Variants in EIF3A observed in about 807,000 individuals in gnomAD.
The protein encoded by EIF3A is eukaryotic translation initiation factor 3 subunit A.
EIF3A carries 21 observed loss-of-function variants against 186.6 expected under a neutral mutation model. That is an observed-to-expected ratio of 0.11 (90% confidence interval 0.08 to 0.16). The LOEUF (loss-of-function observed/expected upper bound fraction) is 0.16, where lower values mean the gene tolerates loss of function less well. Ranked by LOEUF, EIF3A falls within the 10% of genes least tolerant of loss-of-function variation. The pLI, the probability that EIF3A is intolerant of heterozygous loss-of-function variation, is 1.00. For synonymous variants in EIF3A, 563 were observed against 584.3 expected (o/e 0.96, Z 0.52); for missense variants, 1,306 against 1,796.3 (o/e 0.73, Z 4.93).
intron 19 of EIF3A, among the ~76,000 whole-genome samples, chr10:119,040,092 G>A (rs890584341): frequency 2.2e-4 from 34 of 152,220 alleles, no homozygotes; most frequent in African/African-American, 7.2e-4. Flanking sequence ...GAGACTAGAA[G>A]AGACGAAGTA....
chr10:119,056,887 A>T (rs1438396926), intron 13 of EIF3A, 34 bp from the exon 14 acceptor site: 1 of 1,595,220 alleles, frequency 6.3e-7, no homozygotes. Context: ...AGTTTTAAAA[A>T]ATCTCTCTTA....
intron 9 of EIF3A, 62 bp from the exon 10 acceptor site, chr10:119,059,780 A>C: frequency 9.4e-7 from 1 of 1,059,746 alleles, no homozygotes; most frequent in Non-Finnish European, 1.5e-6. Flanking sequence ...TTTTATGTGC[A>C]ATCTCATGAC....
At chr10:119,066,180 C>T (rs900873232) in intron 6 of EIF3A, among the ~76,000 whole-genome samples, 7 of 151,152 alleles carry the variant, frequency 4.6e-5, no homozygotes, top group Admixed American at 6.6e-5. Flanking sequence ...ATTCATATAC[C>T]CCAGACTTCC....
chr10:119,055,855 C>G (rs1843770554), intron 14 of EIF3A, among the ~76,000 whole-genome samples: 1 of 152,172 alleles, frequency 6.6e-6, no homozygotes, highest in Admixed American at 6.5e-5. Flanking sequence ...ATGGCTATTT[C>G]TTTTCTACCC....
intron 14 of EIF3A, among the ~76,000 whole-genome samples, chr10:119,053,557 C>CA (rs33979018): frequency 4.5e-4 from 50 of 110,522 alleles, no homozygotes; most frequent in African/African-American, 1.4e-3. Flanking sequence ...ACTAAAAATA[C>CA]AAAAAAAAAA....
intron 17 of EIF3A, among the ~76,000 whole-genome samples, chr10:119,047,225 A>G (rs1342158714): frequency 6.6e-6 from 1 of 151,916 alleles, no homozygotes; most frequent in Non-Finnish European, 1.5e-5. Context: ...CTGAGATTGC[A>G]CCACTGCACT....
At chr10:119,072,024 C>CAAAAAAAAAAAAAAAAAAAAAA (rs56100757) in intron 4 of EIF3A, among the ~76,000 whole-genome samples, 11 of 59,442 alleles carry the variant, frequency 1.9e-4, no homozygotes, top group Admixed American at 5.7e-4. Context: ...GACTCTGTCT[C>CAAAAAAAAAAAAAAAAAAAAAA]AAAAAAAAAA....
Position 119,080,810 on chromosome 10 carries a change from C to A in EIF3A, c.-134G>T. On this transcript the variant is annotated 5_prime_UTR_variant, in exon 1 of 22. Coordinates refer to ENST00000369144, the MANE Select transcript of EIF3A (RefSeq NM_003750.4). ...TCGCCCGCGCCCAGCCGGCCAGAGACGGAAAGGAAGGAGCCACGTGACCTC... is the reference window on the plus strand; with the variant it reads ...TCGCCCGCGCCCAGCCGGCCAGAGAAGGAAAGGAAGGAGCCACGTGACCTC... The A allele has an allele frequency of 7.0e-7, 1 of 1,420,508 alleles. No individual in the cohort carries two copies. Among genetic ancestry groups the A allele is most frequent in the South Asian group, 1.5e-5 (1 of 67,686 alleles). The allele number at this position is 1,420,508 out of a possible 1,614,324, so 88.0% of individuals were successfully genotyped here.
chr10:119,069,668 T>C lies in EIF3A; in HGVS notation c.742-14A>G, dbSNP rs1428439070. The C allele has an allele frequency of 2.2e-6, 3 of 1,386,432 alleles. No individual in the cohort carries two copies. The highest frequency in any genetic ancestry group is 3.1e-6 in the Non-Finnish European group (3 of 973,958). 85.9% of individuals were successfully genotyped at this position (1,386,432 alleles called of 1,614,324 possible). A position where few individuals can be genotyped will look rare whatever the true frequency, so the allele number is the denominator to read the frequency against. ...TTTGAATGCTTCCTAAAATTAGGAG[T>C]ATAAATTAAAGTCATTGCATTCTAT... On this transcript the variant is annotated splice_polypyrimidine_tract_variant and intron_variant, in intron 5 of 21. Transcript: ENST00000369144.
rs745433680 is a variant in EIF3A at position 119,072,873 on chromosome 10, TG to T, written c.541+16del. 89 of 1,596,072 alleles carry T rather than the reference TG, an allele frequency of 5.6e-5. No individual in the cohort carries two copies. Among genetic ancestry groups the T allele is most frequent in the Non-Finnish European group, 7.5e-5 (88 of 1,174,554 alleles). ...AATTTCAAAGCACTTCACTCAGATTTGATCTTCTCATCTTACCTTGCTGGGC... is the reference window on the plus strand; with the variant it reads ...AATTTCAAAGCACTTCACTCAGATTTATCTTCTCATCTTACCTTGCTGGGC... On this transcript the variant is annotated intron_variant, in intron 4 of 21. Transcript: ENST00000369144.
chr10:119,062,958 G>A lies in EIF3A; in HGVS notation c.1123-1630C>T, dbSNP rs570662792. ...TTTAGTAGAGACGGGGTTTCACCAC[G>A]ATGGCCAAGCTCGTTTCAAACTCCT... is the stretch of plus-strand genomic sequence containing the variant. On this transcript the variant is annotated intron_variant, in intron 7 of 21. Transcript: ENST00000369144. 1.4e-4 allele frequency among the ~76,000 whole-genome samples: 21 copies of A among 150,452 alleles called. No homozygotes were observed. The South Asian group carries it at 2.1e-3, about 15-fold the overall frequency.
At chr10:119,075,686 ATT>A (rs1295429635) in intron 1 of EIF3A, among the ~76,000 whole-genome samples, 2 of 92,756 alleles carry the variant, frequency 2.2e-5, no homozygotes, top group African/African-American at 7.9e-5. Context: ...TAAAAATATC[ATT>A]GTTTATTTTC....
At chr10:119,079,704 C>T (rs926321554) in intron 1 of EIF3A, among the ~76,000 whole-genome samples, 1 of 152,086 alleles carries the variant, frequency 6.6e-6, no homozygotes, top group Non-Finnish European at 1.5e-5. Flanking sequence ...AAGTTTTTCC[C>T]TCAAGCGCCA....
chr10:119,070,280 G>C (rs1215900022), intron 5 of EIF3A, among the ~76,000 whole-genome samples: 3 of 152,322 alleles, frequency 2.0e-5, no homozygotes, highest in Middle Eastern at 3.4e-3. Flanking sequence ...GGGCCAGGGA[G>C]AGGACTAGCT....
intron 1 of EIF3A, among the ~76,000 whole-genome samples, chr10:119,076,829 G>A (rs920038868): frequency 1.3e-4 from 20 of 151,496 alleles, no homozygotes; most frequent in Admixed American, 5.3e-4. Context: ...CCAAATACTC[G>A]GGAGGCTGAG....
intron 17 of EIF3A, among the ~76,000 whole-genome samples, chr10:119,049,572 G>T (rs948827230): frequency 6.7e-6 from 1 of 148,748 alleles, no homozygotes; most frequent in Middle Eastern, 3.8e-3. Context: ...GAAGAGAACT[G>T]GGTGATAAAA....
chr10:119,047,311 T>A (rs932574201), intron 17 of EIF3A, among the ~76,000 whole-genome samples: 1 of 151,948 alleles, frequency 6.6e-6, no homozygotes, highest in Non-Finnish European at 1.5e-5. Context: ...TTCTTCAAAT[T>A]TGGCTTAAAG....
chr10:119,073,254 G>A (rs552018984), intron 3 of EIF3A, among the ~76,000 whole-genome samples, 187 bp downstream of exon 3: 27 of 152,192 alleles, frequency 1.8e-4, no homozygotes, highest in African/African-American at 6.3e-4. Context: ...TCTATCTTAA[G>A]GCTGTCATTT....
rs1480556514 is a variant in EIF3A at position 119,065,536 on chromosome 10, T to C, written c.985A>G (p.Ile329Val). The C allele has an allele frequency of 4.3e-6, 7 of 1,612,934 alleles. No homozygotes were observed. Among genetic ancestry groups the C allele is most frequent in the East Asian group, 2.2e-5 (1 of 44,882 alleles). ...STRVLLATLS[I>V]PITPERTDIA... Reference sequence around the variant, plus strand: ...TCCGTACGCTCAGGAGTAATAGGGATGGAAAGAGTGGCTAAAAGGACTCTA... The same window carrying C: ...TCCGTACGCTCAGGAGTAATAGGGACGGAAAGAGTGGCTAAAAGGACTCTA... Residue 329 changes from isoleucine (I) to valine (V), a missense_variant, in exon 7 of 22, where the codon ATC becomes GTC. Ile to Val is a conservative substitution (Grantham distance 29). This residue lies in a region of EIF3A where 267 missense variants were observed against 367.8 expected (regional missense o/e 0.73). Transcript: ENST00000369144.
Sources: allele counts gnomAD v4.1 joint callset (sites outside exome capture counted in the v4.1 genomes callset), GRCh38; gene constraint gnomAD v4.1.1; regional missense constraint gnomAD v4.1.1; transcripts MANE v1.5; gene names NCBI Gene and HGNC (gene_info 2026-07-23, HGNC 2026-07-21).